Variants in SDC3 observed in about 807,000 individuals in gnomAD.
SDC3 encodes syndecan-3.
SDC3 carries 13 observed loss-of-function variants against 24.4 expected under a neutral mutation model. The observed-to-expected ratio is 0.53, with a 90% CI of 0.35 to 0.85. The LOEUF is 0.85. Ranked by LOEUF, SDC3 falls within the 40% of genes least tolerant of loss-of-function variation. SDC3 has a pLI of 0.01. For missense variants in SDC3, 571 were observed against 584.5 expected (o/e 0.98, Z 0.24); for synonymous variants, 295 against 260.9 (o/e 1.13, Z -1.26).
At chr1:30,895,043 G>A (rs1639981104) in intron 1 of SDC3, among the ~76,000 whole-genome samples, 1 of 152,050 alleles carries the variant, frequency 6.6e-6, no homozygotes, top group Non-Finnish European at 1.5e-5. Context: ...GCCTCCCAAG[G>A]TAGAGAGCAT....
chr1:30,880,220 A>G (rs545340730), intron 1 of SDC3, among the ~76,000 whole-genome samples: 2 of 152,206 alleles, frequency 1.3e-5, no homozygotes, highest in Admixed American at 1.3e-4. Context: ...GCTAACGACC[A>G]GGAGCTGCAG....
At chr1:30,897,148 G>A (rs571039996) in intron 1 of SDC3, among the ~76,000 whole-genome samples, 20 of 152,320 alleles carry the variant, frequency 1.3e-4, no homozygotes, top group African/African-American at 4.8e-4. Context: ...ACAGAGCAGA[G>A]ACAAGTACAG....
chr1:30,875,846 G>T (rs889237432), intron 3 of SDC3, among the ~76,000 whole-genome samples: 2 of 152,314 alleles, frequency 1.3e-5, no homozygotes, highest in Non-Finnish European at 2.9e-5. Flanking sequence ...ACCCACAGTT[G>T]CTCGTCTGTA....
intron 3 of SDC3, 42 bp downstream of exon 3, chr1:30,876,510 C>T (rs1180484126): frequency 1.4e-6 from 2 of 1,453,430 alleles, no homozygotes; most frequent in African/African-American, 1.4e-5. Flanking sequence ...CCCTGACCCA[C>T]CCTCCTCCGC....
Position 30,878,617 on chromosome 1 carries a change from A to G in SDC3, c.256+6T>C. 1 of 1,607,948 alleles carries G rather than the reference A, an allele frequency of 6.2e-7. No homozygotes were observed. The highest frequency in any genetic ancestry group is 8.5e-7 in the Non-Finnish European group (1 of 1,174,308). On this transcript the variant is annotated splice_donor_region_variant and intron_variant, in intron 2 of 4. Transcript: ENST00000339394. ...CCCAGGCAGAGGTAGGGAGGGGGGTACTTACAGCCCGAGCCCGACCCCGAG... is the reference window on the plus strand; with the variant it reads ...CCCAGGCAGAGGTAGGGAGGGGGGTGCTTACAGCCCGAGCCCGACCCCGAG...
At chr1:30,905,274 A>G (rs1049133549) in intron 1 of SDC3, among the ~76,000 whole-genome samples, 1 of 151,236 alleles carries the variant, frequency 6.6e-6, no homozygotes, top group Non-Finnish European at 1.5e-5. Flanking sequence ...CCTGGGGCTG[A>G]GCTTCAAAAG....
At chr1:30,887,580 A>G (rs1251718520) in intron 1 of SDC3, among the ~76,000 whole-genome samples, 1 of 152,046 alleles carries the variant, frequency 6.6e-6, no homozygotes, top group East Asian at 1.9e-4. Context: ...AGTCTGCAAA[A>G]CCAGGGCTAG....
At chr1:30,891,300 A>T (rs1239304277) in intron 1 of SDC3, among the ~76,000 whole-genome samples, 1 of 151,794 alleles carries the variant, frequency 6.6e-6, no homozygotes, top group African/African-American at 2.4e-5. Context: ...CCCACCCTTC[A>T]CCCTGGCCCC....
rs1222276896 is a variant in SDC3, at chr1:30,869,920, C to T, written c.*3291G>A. 6 of 398,472 alleles carry T rather than the reference C, an allele frequency of 1.5e-5. No homozygotes were observed. Among genetic ancestry groups the T allele is most frequent in the East Asian group, 3.6e-5 (1 of 28,082 alleles). 24.7% of individuals were successfully genotyped at this position (398,472 alleles called of 1,614,324 possible). On this transcript the variant is annotated 3_prime_UTR_variant, in exon 5 of 5. Coordinates refer to ENST00000339394, the MANE Select transcript of SDC3 (RefSeq NM_014654.4). Reference sequence around the variant, plus strand: ...CAGGGTCACTGTGGTGCCAGGCAGGCACCTGGGGGATGCTGGGGCCATCGG... The same window carrying T: ...CAGGGTCACTGTGGTGCCAGGCAGGTACCTGGGGGATGCTGGGGCCATCGG...
intron 1 of SDC3, among the ~76,000 whole-genome samples, chr1:30,896,889 G>A (rs1011611917): frequency 6.6e-6 from 1 of 152,188 alleles, no homozygotes; most frequent in African/African-American, 2.4e-5. Context: ...CTTGAACCCG[G>A]GAAGCGGAGG....
Position 30,908,560 on chromosome 1 carries a change from G to C in SDC3, c.27C>G (p.Ala9=), listed in dbSNP as rs1279749674. Residue 9 remains alanine (A), a synonymous_variant, in exon 1 of 5, where the codon GCC becomes GCG. Coordinates refer to ENST00000339394, the MANE Select transcript of SDC3 (RefSeq NM_014654.4). ...CGGCGCCGGCCCCGTGGGCGGCCCC[G>C]GCACGGTGCGGCGGCCCCGGCTTCA... MKPGPPHR[A]GAAHGAGAGA... is the part of the protein sequence containing the mutation. The C allele has an allele frequency of 1.0e-6, 1 of 976,258 alleles. No homozygotes were observed. The highest frequency in any genetic ancestry group is 4.6e-5 in the South Asian group (1 of 21,712). The allele number at this position is 976,258 out of a possible 1,614,324, so 60.5% of individuals were successfully genotyped here.
intron 1 of SDC3, among the ~76,000 whole-genome samples, chr1:30,894,138 AGAGT>A (rs1372032453): frequency 2.6e-5 from 4 of 151,136 alleles, no homozygotes; most frequent in Non-Finnish European, 5.9e-5. Context: ...TGTGTGAGAG[AGAGT>A]GTGTGATTGT....
chr1:30,904,799 C>G (rs79917523), intron 1 of SDC3, among the ~76,000 whole-genome samples: 3,075 of 152,248 alleles, frequency 0.02, 132 homozygotes, highest in African/African-American at 0.071. Context: ...GGAAGCCTTC[C>G]CTGACCCCAT....
chr1:30,902,265 T>G (rs958182307), intron 1 of SDC3, among the ~76,000 whole-genome samples: 1 of 152,222 alleles, frequency 6.6e-6, no homozygotes, highest in African/African-American at 2.4e-5. Flanking sequence ...CCACCCCCAC[T>G]GCTGGGCCCT....
Position 30,908,709 on chromosome 1 carries a change from G to C in SDC3, c.-123C>G, listed in dbSNP as rs1437229268. Reference sequence around the variant, plus strand: ...GGCTGGACCGACGCGCTCTAGGCTCGCGGGCTCCCGGCTCGGCCGCCCGGC... The same window carrying C: ...GGCTGGACCGACGCGCTCTAGGCTCCCGGGCTCCCGGCTCGGCCGCCCGGC... On this transcript the variant is annotated 5_prime_UTR_variant, in exon 1 of 5. Coordinates refer to ENST00000339394, the MANE Select transcript of SDC3 (RefSeq NM_014654.4). The C allele has an allele frequency of 8.2e-6, 2 of 243,108 alleles. No homozygotes were observed. The highest frequency in any genetic ancestry group is 1.3e-5 in the Non-Finnish European group (2 of 154,930). 15.1% of individuals were successfully genotyped at this position (243,108 alleles called of 1,614,324 possible). A position where few individuals can be genotyped will look rare whatever the true frequency, so the allele number is the denominator to read the frequency against.
chr1:30,881,995 C>G (rs1557517683), intron 1 of SDC3, among the ~76,000 whole-genome samples: 1 of 152,174 alleles, frequency 6.6e-6, no homozygotes, highest in Non-Finnish European at 1.5e-5. Flanking sequence ...TCCACACCCA[C>G]GCGCCAGCAC....
chr1:30,878,158 G>A lies in SDC3; in HGVS notation c.256+465C>T, dbSNP rs557609566. ...CCGAGGGGCACACAGTTGCTACATG[G>A]CAGAGTGGGGTTCGCGGTGCCCTTC... is the stretch of plus-strand genomic sequence containing the variant. On this transcript the variant is annotated intron_variant, in intron 2 of 4. Transcript: ENST00000339394. 185 of 157,676 alleles carry A rather than the reference G, an allele frequency of 1.2e-3. 6 individuals are homozygous for A. In the South Asian group the frequency reaches 0.034, roughly 29 times the overall value. The allele number at this position is 157,676 out of a possible 1,614,324, so 9.8% of individuals were successfully genotyped here. A position where few individuals can be genotyped will look rare whatever the true frequency, so the allele number is the denominator to read the frequency against.
At chr1:30,891,081 G>A (rs1157071368) in intron 1 of SDC3, among the ~76,000 whole-genome samples, 4 of 152,174 alleles carry the variant, frequency 2.6e-5, no homozygotes, top group Non-Finnish European at 1.5e-5. Flanking sequence ...AGCCCTCAGT[G>A]GTTCCGGATG....
intron 1 of SDC3, among the ~76,000 whole-genome samples, chr1:30,898,135 G>A (rs1188101976): frequency 6.6e-6 from 1 of 152,182 alleles, no homozygotes; most frequent in East Asian, 1.9e-4. Flanking sequence ...TGTGTTAAAG[G>A]CATGAAACAC....
Sources: gnomAD v4.1 joint callset for allele counts (sites outside exome capture counted in the v4.1 genomes callset) on GRCh38, gnomAD v4.1.1 for gene constraint, MANE v1.5 for transcripts, NCBI Gene and HGNC (gene_info 2026-07-23, HGNC 2026-07-21) for gene names.